WARS2: variants seen among roughly 807,000 people sequenced by gnomAD.
WARS2 encodes the protein tryptophan--tRNA ligase, mitochondrial.
In WARS2, 28 loss-of-function variants were observed where a neutral mutation model predicts 36.5. The ratio of observed to expected loss-of-function variants is 0.77; its 90% CI spans 0.57 to 1.05. The LOEUF is 1.05. Ranked by LOEUF, WARS2 falls within the 50% of genes least tolerant of loss-of-function variation. WARS2 has a pLI of 0.00. For synonymous variants in WARS2, 174 were observed against 178.4 expected (o/e 0.98, Z 0.20); for missense variants, 435 against 456.8 (o/e 0.95, Z 0.44).
intron 1 of WARS2, among the ~76,000 whole-genome samples, chr1:119,114,395 CTTTG>C (rs1345116571): frequency 1.3e-5 from 2 of 152,244 alleles, no homozygotes; most frequent in African/African-American, 2.4e-5. Context: ...TTGGAGGAGA[CTTTG>C]TTTGTTTTCA....
intron 1 of WARS2, among the ~76,000 whole-genome samples, chr1:119,123,142 C>T (rs1655435770): frequency 6.6e-6 from 1 of 152,168 alleles, no homozygotes; most frequent in Admixed American, 6.5e-5. Flanking sequence ...ACTTAATACA[C>T]TTATAGAAAC....
chr1:119,109,139 T>A (rs889661923), intron 1 of WARS2, among the ~76,000 whole-genome samples: 1 of 151,970 alleles, frequency 6.6e-6, no homozygotes, highest in Non-Finnish European at 1.5e-5. Context: ...CAGAATGTGG[T>A]CTATCTTGGT....
chr1:119,089,896 G>T (rs943696236), intron 1 of WARS2, among the ~76,000 whole-genome samples: 3 of 152,146 alleles, frequency 2.0e-5, no homozygotes, highest in African/African-American at 4.8e-5. Flanking sequence ...AATACCACAT[G>T]TTCTCACTTA....
intron 1 of WARS2, among the ~76,000 whole-genome samples, chr1:119,101,404 T>C (rs998845229): frequency 6.6e-6 from 1 of 152,176 alleles, no homozygotes; most frequent in South Asian, 2.1e-4. Context: ...CAAGTCACAT[T>C]TTACTAACAT....
intron 1 of WARS2, chr1:119,082,557 C>T: frequency 1.6e-5 from 8 of 506,284 alleles, no homozygotes; most frequent in Non-Finnish European, 2.0e-5. Flanking sequence ...TGAGCTCTTG[C>T]CACTGGACTC....
At chr1:119,065,566 C>T (rs1650766500) in intron 2 of WARS2, among the ~76,000 whole-genome samples, 1 of 146,204 alleles carries the variant, frequency 6.8e-6, no homozygotes, top group South Asian at 2.2e-4. Context: ...ATCCAGAAGG[C>T]AGAGGTTGCA....
At chr1:119,135,975 T>A (rs1423937079) in intron 1 of WARS2, among the ~76,000 whole-genome samples, 3 of 152,338 alleles carry the variant, frequency 2.0e-5, no homozygotes, top group African/African-American at 7.2e-5. Flanking sequence ...TCTCACTATG[T>A]TGCCCAGGTT....
intron 1 of WARS2, among the ~76,000 whole-genome samples, chr1:119,127,685 TC>T (rs1262176592): frequency 6.6e-6 from 1 of 152,138 alleles, no homozygotes; most frequent in African/African-American, 2.4e-5. Flanking sequence ...CCCACACTAT[TC>T]TCAGCAAACT....
At chr1:119,034,068 T>C (rs890012063) in intron 5 of WARS2, 27 bp downstream of exon 5, 8 of 1,582,836 alleles carry the variant, frequency 5.1e-6, no homozygotes, top group Non-Finnish European at 6.9e-6. Flanking sequence ...TATACCCTGA[T>C]GTAACAATTA....
intron 2 of WARS2, among the ~76,000 whole-genome samples, chr1:119,073,239 ACTCT>A (rs1403847082): frequency 2.6e-5 from 4 of 151,674 alleles, no homozygotes; most frequent in South Asian, 4.2e-4. Flanking sequence ...ATAGTATACT[ACTCT>A]CTCTATTGTT....
At chr1:119,093,364 T>C (rs1653177056) in intron 1 of WARS2, among the ~76,000 whole-genome samples, 1 of 151,534 alleles carries the variant, frequency 6.6e-6, no homozygotes, top group Non-Finnish European at 1.5e-5. Flanking sequence ...CATTGCTTGG[T>C]GTAGTAGGTT....
At chr1:119,111,852 G>A (rs1452680540) in intron 1 of WARS2, among the ~76,000 whole-genome samples, 2 of 152,070 alleles carry the variant, frequency 1.3e-5, no homozygotes, top group Non-Finnish European at 1.5e-5. Context: ...CAATTTTGGG[G>A]GGCAGAAGTC....
chr1:119,073,159 A>G (rs868014500), intron 2 of WARS2, among the ~76,000 whole-genome samples: 13 of 104,486 alleles, frequency 1.2e-4, no homozygotes, highest in Middle Eastern at 4.6e-3. Flanking sequence ...AGTTCAAAAA[A>G]GAAAAAAAAA....
intron 1 of WARS2, among the ~76,000 whole-genome samples, chr1:119,093,012 G>T (rs587683411): frequency 1.3e-5 from 2 of 152,164 alleles, no homozygotes; most frequent in East Asian, 3.9e-4. Flanking sequence ...TAAAAGTAAT[G>T]AATCTCCACT....
intron 2 of WARS2, among the ~76,000 whole-genome samples, chr1:119,074,644 T>A (rs1193526531): frequency 6.6e-6 from 1 of 152,216 alleles, no homozygotes; most frequent in African/African-American, 2.4e-5. Context: ...GGCAACAAAG[T>A]TGATAACTGC....
chr1:119,097,180 T>C (rs1653500163), intron 1 of WARS2, among the ~76,000 whole-genome samples: 1 of 152,236 alleles, frequency 6.6e-6, no homozygotes, highest in Admixed American at 6.5e-5. Context: ...AGTCGAGTTA[T>C]AATGAAGTGA....
At chr1:119,128,839 C>T (rs1288827947) in intron 1 of WARS2, among the ~76,000 whole-genome samples, 1 of 151,998 alleles carries the variant, frequency 6.6e-6, no homozygotes, top group Non-Finnish European at 1.5e-5. Flanking sequence ...GGAAGCCTGA[C>T]CAAAAACCCT....
At chr1:119,123,595 T>C (rs1225688355) in intron 1 of WARS2, among the ~76,000 whole-genome samples, 1 of 133,936 alleles carries the variant, frequency 7.5e-6, no homozygotes, top group Non-Finnish European at 1.6e-5. Context: ...TGCACTTGTG[T>C]GCATGCAAAC....
At chr1:119,121,774 C>T (rs1211117050) in intron 1 of WARS2, among the ~76,000 whole-genome samples, 1 of 152,052 alleles carries the variant, frequency 6.6e-6, no homozygotes, top group Non-Finnish European at 1.5e-5. Flanking sequence ...AGAAAGCAAA[C>T]AAAATCATAA....
Sources: gnomAD v4.1 joint callset for allele counts (sites outside exome capture counted in the v4.1 genomes callset) on GRCh38, gnomAD v4.1.1 for gene constraint, MANE v1.5 for transcripts, NCBI Gene and HGNC (gene_info 2026-07-23, HGNC 2026-07-21) for gene names.